Variants in FAM20C observed in about 807,000 individuals in gnomAD.
FAM20C encodes extracellular serine/threonine protein kinase FAM20C.
Under a neutral mutation model 51.5 loss-of-function variants are expected in FAM20C, and 40 were observed. That is an observed-to-expected ratio of 0.78 (90% confidence interval 0.60 to 1.01). The LOEUF (loss-of-function observed/expected upper bound fraction) is 1.01, where lower values mean the gene tolerates loss of function less well. Ranked by LOEUF, FAM20C falls within the 50% of genes least tolerant of loss-of-function variation. The pLI, the probability that FAM20C is intolerant of heterozygous loss-of-function variation, is 0.00. For synonymous variants in FAM20C, 406 were observed against 380.6 expected (o/e 1.07, Z -0.78); for missense variants, 861 against 844.7 (o/e 1.02, Z -0.24).
At chr7:195,040 A>G (rs1002717408) in intron 1 of FAM20C, among the ~76,000 whole-genome samples, 3 of 152,128 alleles carry the variant, frequency 2.0e-5, no homozygotes, top group Non-Finnish European at 2.9e-5. Flanking sequence ...ATTAAAATCA[A>G]ATTTAGCCTC....
chr7:211,344 C>T (rs1232473663), intron 3 of FAM20C, among the ~76,000 whole-genome samples: 2 of 149,074 alleles, frequency 1.3e-5, no homozygotes, highest in African/African-American at 2.5e-5. Flanking sequence ...CCCGAAACCT[C>T]CCCCAGACCT....
intron 3 of FAM20C, among the ~76,000 whole-genome samples, chr7:236,234 C>T (rs1413788217): frequency 8.2e-6 from 1 of 121,686 alleles, no homozygotes; most frequent in Non-Finnish European, 1.7e-5. Context: ...CGAGCGGCTC[C>T]TGGCCGAGGT....
intron 8 of FAM20C, 136 bp downstream of exon 8, chr7:257,222 C>A: frequency 1.1e-6 from 1 of 913,162 alleles, no homozygotes; most frequent in Non-Finnish European, 1.6e-6. Context: ...AGGCCCATCT[C>A]AGAGCCAGAT....
intron 2 of FAM20C, among the ~76,000 whole-genome samples, chr7:198,930 G>C (rs528697446): frequency 1.3e-5 from 2 of 152,322 alleles, no homozygotes; most frequent in Middle Eastern, 3.4e-3. Flanking sequence ...TGCTGCCTTG[G>C]GCTTGGAGAT....
At chr7:198,761 C>T (rs959518635) in intron 2 of FAM20C, among the ~76,000 whole-genome samples, 6 of 152,206 alleles carry the variant, frequency 3.9e-5, no homozygotes, top group Admixed American at 2.0e-4. Context: ...GGGTCTCCAA[C>T]ACTGCAGCAT....
At chr7:234,707 G>T (rs1224049766) in intron 3 of FAM20C, among the ~76,000 whole-genome samples, 2 of 152,148 alleles carry the variant, frequency 1.3e-5, no homozygotes, top group Non-Finnish European at 1.5e-5. Flanking sequence ...ACAGAAAGGC[G>T]GGTGTTGAAA....
intron 7 of FAM20C, 85 bp downstream of exon 7, chr7:256,848 T>TGGCAC: frequency 6.9e-7 from 1 of 1,447,730 alleles, no homozygotes; most frequent in Non-Finnish European, 9.4e-7. Context: ...GCACACTCCG[T>TGGCAC]GGCACGGCCC....
intron 3 of FAM20C, among the ~76,000 whole-genome samples, chr7:216,681 G>GAGAGAC (rs1562376364): frequency 4.1e-5 from 4 of 97,916 alleles, no homozygotes; most frequent in African/African-American, 1.5e-4. Context: ...GAGTGTGTGT[G>GAGAGAC]AGAGTGTGTG....
chr7:230,537 G>A (rs763401968), intron 3 of FAM20C, among the ~76,000 whole-genome samples: 13 of 152,266 alleles, frequency 8.5e-5, no homozygotes, highest in African/African-American at 2.9e-4. Context: ...TGGCCGGGCC[G>A]TCTGGTCCAC....
intron 3 of FAM20C, among the ~76,000 whole-genome samples, chr7:244,407 G>A (rs1027676952): frequency 1.3e-5 from 2 of 152,196 alleles, no homozygotes; most frequent in Admixed American, 6.5e-5. Flanking sequence ...GGAACTGCGG[G>A]CTGACTGCAG....
intron 5 of FAM20C, among the ~76,000 whole-genome samples, chr7:253,467 C>T (rs773427393): frequency 7.2e-5 from 11 of 152,298 alleles, no homozygotes; most frequent in East Asian, 3.9e-4. Flanking sequence ...TGGGTTTGTC[C>T]GCTACCCTGG....
At chr7:224,215 CCT>C (rs893692411) in intron 3 of FAM20C, among the ~76,000 whole-genome samples, 2 of 143,232 alleles carry the variant, frequency 1.4e-5, no homozygotes, top group African/African-American at 5.3e-5. Context: ...GCGGCTGTCC[CCT>C]GAGCCTTCTC....
chr7:212,315 T>C (rs1262530414), intron 3 of FAM20C, among the ~76,000 whole-genome samples: 1 of 152,092 alleles, frequency 6.6e-6, no homozygotes, highest in African/African-American at 2.4e-5. Context: ...ATATAAAAAT[T>C]AGCCGGGTGT....
At chr7:198,015 T>C (rs558018913) in intron 2 of FAM20C, among the ~76,000 whole-genome samples, 2 of 152,302 alleles carry the variant, frequency 1.3e-5, no homozygotes, top group South Asian at 4.1e-4. Flanking sequence ...AGGATTCTGG[T>C]GTGGCCTCCG....
At chr7:233,443 A>G (rs1219415849) in intron 3 of FAM20C, among the ~76,000 whole-genome samples, 6 of 152,184 alleles carry the variant, frequency 3.9e-5, no homozygotes, top group Non-Finnish European at 8.8e-5. Flanking sequence ...CTGCTGGAAC[A>G]AATCACGGCA....
intron 3 of FAM20C, among the ~76,000 whole-genome samples, chr7:218,565 G>A (rs564545763): frequency 6.6e-6 from 1 of 152,308 alleles, no homozygotes; most frequent in Non-Finnish European, 1.5e-5. Context: ...AGTGACAAGT[G>A]TGTGGGCATC....
chr7:253,146 C>CACGT (rs1052809790), intron 5 of FAM20C, among the ~76,000 whole-genome samples: 2 of 152,214 alleles, frequency 1.3e-5, no homozygotes, highest in African/African-American at 4.8e-5. Context: ...TTGCAGGAGA[C>CACGT]ACGTTTCCAG....
At chr7:231,698 G>T (rs1787695248) in intron 3 of FAM20C, among the ~76,000 whole-genome samples, 1 of 152,186 alleles carries the variant, frequency 6.6e-6, no homozygotes, top group African/African-American at 2.4e-5. Context: ...TCTGTGAGGG[G>T]CGCGTGCGTC....
intron 2 of FAM20C, among the ~76,000 whole-genome samples, chr7:205,255 A>G (rs28397711): frequency 0.33 from 29,963 of 91,116 alleles, 5,440 homozygotes; most frequent in East Asian, 0.46. Context: ...GACACGCACC[A>G]CCACGACGTC....
Sources: gnomAD v4.1 joint callset for allele counts (sites outside exome capture counted in the v4.1 genomes callset) on GRCh38, gnomAD v4.1.1 for gene constraint, MANE v1.5 for transcripts, NCBI Gene and HGNC (gene_info 2026-07-23, HGNC 2026-07-21) for gene names.